SLC7A6: variants seen among roughly 807,000 people sequenced by gnomAD.
SLC7A6 encodes Y+L amino acid transporter 2.
A neutral mutation model predicts 46.6 loss-of-function variants in SLC7A6; 29 were observed. That is an observed-to-expected ratio of 0.62 (90% confidence interval 0.46 to 0.85). The LOEUF (loss-of-function observed/expected upper bound fraction) is 0.85. Among genes scored for constraint, SLC7A6 ranks in the 40% least tolerant of loss-of-function variants. The probability of loss-of-function intolerance (pLI) is 0.00; values close to 1 mark genes in which losing one functional copy is unlikely to be tolerated. For synonymous variants in SLC7A6, 276 were observed against 257.3 expected, an observed-to-expected ratio of 1.07 and a Z score of -0.70; for missense variants, 527 against 647.6, an observed-to-expected ratio of 0.81 and a Z score of 2.02.
In SLC7A6 at chr16:68,282,337, G is replaced by A. The variant is rs144119985; in HGVS notation, c.524-5409G>A. Among the ~76,000 whole-genome samples, 814 of 152,188 alleles carry A rather than the reference G, an allele frequency of 5.3e-3. 14 individuals carry two copies. The highest frequency in any genetic ancestry group is 0.018 in the African/African-American group (753 of 41,520). On this transcript the variant is annotated intron_variant, in intron 3 of 10. Transcript: ENST00000219343. ...TAATCTCAGCAGTTTGGGAGGCCAA[G>A]GCAGGAGGATCACTTGAGCCCAGGA...
intron 3 of SLC7A6, among the ~76,000 whole-genome samples, chr16:68,280,484 T>C (rs760178068): frequency 6.6e-6 from 1 of 152,066 alleles, no homozygotes; most frequent in Non-Finnish European, 1.5e-5. Flanking sequence ...CATTTGAAAA[T>C]CAGGACTTGC....
At chr16:68,276,462 T>C (rs1246528059) in intron 3 of SLC7A6, among the ~76,000 whole-genome samples, 3 of 152,196 alleles carry the variant, frequency 2.0e-5, no homozygotes, top group East Asian at 1.9e-4. Flanking sequence ...AAAAATAGCC[T>C]GAGAGTACCT....
At chr16:68,276,025 T>TA (rs1177576803) in intron 3 of SLC7A6, among the ~76,000 whole-genome samples, 1 of 152,234 alleles carries the variant, frequency 6.6e-6, no homozygotes, top group East Asian at 1.9e-4. Context: ...TAGGCTTCAC[T>TA]AGACTGTGGG....
At chr16:68,291,842 T>C (rs1183747943) in intron 7 of SLC7A6, 181 bp downstream of exon 7, 1 of 570,106 alleles carries the variant, frequency 1.8e-6, no homozygotes, top group Admixed American at 3.2e-5. Context: ...AAGTAGCACA[T>C]TTGTATGCTG....
rs201303478 is a variant in SLC7A6 at position 68,275,241 on chromosome 16, C to T, written c.515C>T (p.Ala172Val). ...CTGGCCTGCCGTCTCCTGGCTGCTG[C>T]TTGCATATGTAAGTGGGGGCTGAGA... Reference protein sequence around the residue: ...PYLACRLLAAACICLLTFVNC... With the variant: ...PYLACRLLAAVCICLLTFVNC... The change falls in exon 3 of 11, where the codon GCT (alanine) becomes GTT (valine). Residue 172 changes from alanine to valine, a missense_variant. Ala to Val is a moderately conservative substitution (Grantham distance 64). Transcript: ENST00000219343. The T allele has an allele frequency of 1.3e-4, 208 of 1,604,174 alleles. 2 individuals are homozygous for T. In the East Asian group the frequency reaches 4.4e-3, roughly 34 times the overall value.
At chr16:68,278,202 G>A (rs1455322422) in intron 3 of SLC7A6, among the ~76,000 whole-genome samples, 1 of 150,614 alleles carries the variant, frequency 6.6e-6, no homozygotes, top group Non-Finnish European at 1.5e-5. Flanking sequence ...TGATCCGCCT[G>A]CTTTGGCCTC....
intron 8 of SLC7A6, 25 bp downstream of exon 8, chr16:68,294,826 C>G (rs2151232621): frequency 6.6e-7 from 1 of 1,517,930 alleles, no homozygotes; most frequent in East Asian, 2.3e-5. Context: ...GACCACGGGG[C>G]TCAGGTGGAT....
Position 68,301,260 on chromosome 16 carries a change from G to A in SLC7A6, c.*3932G>A, listed in dbSNP as rs779482974. 1.6e-5 allele frequency: 26 copies of A among 1,612,948 alleles called. 1 individual carries two copies. In the South Asian group the frequency reaches 1.9e-4, roughly 12 times the overall value. On this transcript the variant is annotated 3_prime_UTR_variant, in exon 11 of 11. Coordinates refer to ENST00000219343, the MANE Select transcript of SLC7A6 (RefSeq NM_003983.6). Reference sequence around the variant, plus strand: ...CAAGGGCATGTGGCAGAACCTCATGGACATCACAAGACCATCAGTCTGAAT... The same window carrying A: ...CAAGGGCATGTGGCAGAACCTCATGAACATCACAAGACCATCAGTCTGAAT...
At chr16:68,285,387 T>C (rs972970109) in intron 3 of SLC7A6, among the ~76,000 whole-genome samples, 1 of 152,158 alleles carries the variant, frequency 6.6e-6, no homozygotes, top group Non-Finnish European at 1.5e-5. Context: ...CTGGTACCTA[T>C]TAACTAGGTA....
chr16:68,270,181 TTC>T (rs766291375), intron 2 of SLC7A6, among the ~76,000 whole-genome samples: 34 of 149,624 alleles, frequency 2.3e-4, no homozygotes, highest in Non-Finnish European at 4.7e-4. Flanking sequence ...GAGTAGGGAT[TTC>T]TCTGTTGTCT....
chr16:68,278,303 A>G (rs1038253441), intron 3 of SLC7A6, among the ~76,000 whole-genome samples: 9 of 145,130 alleles, frequency 6.2e-5, no homozygotes, highest in Non-Finnish European at 1.4e-4. Context: ...ATACTGCTTT[A>G]TAATTTTTTT....
intron 7 of SLC7A6, chr16:68,292,460 A>C (rs1376754983): frequency 6.6e-6 from 1 of 152,168 alleles, no homozygotes; most frequent in African/African-American, 2.4e-5. Context: ...CTCTCCACTT[A>C]GGAGAGACAC....
At chr16:68,291,698 T>C (rs753335652) in intron 7 of SLC7A6, 37 bp downstream of exon 7, 45 of 1,568,500 alleles carry the variant, frequency 2.9e-5, no homozygotes, top group Non-Finnish European at 3.9e-5. Context: ...TAGACCACAA[T>C]ATTTCATTCT....
chr16:68,287,322 G>C (rs1266805806), intron 3 of SLC7A6: 1 of 1,289,034 alleles, frequency 7.8e-7, no homozygotes, highest in African/African-American at 1.5e-5. Context: ...TAATTTCTTA[G>C]GTAACCTGCC....
intron 2 of SLC7A6, among the ~76,000 whole-genome samples, chr16:68,271,024 A>AT (rs777402841): frequency 2.6e-5 from 4 of 151,690 alleles, no homozygotes; most frequent in Non-Finnish European, 4.4e-5. Flanking sequence ...TAATTTTTGT[A>AT]TTTTTTGTAG....
chr16:68,291,763 G>GTGTGTGTGTT, intron 7 of SLC7A6, 102 bp downstream of exon 7: 1 of 295,620 alleles, frequency 3.4e-6, no homozygotes, highest in Non-Finnish European at 5.5e-6. Flanking sequence ...GGCATATAGG[G>GTGTGTGTGTT]TGTGTGTGTG....
At position 68,291,801 on chromosome 16, in the gene SLC7A6, T is replaced by TGTGTGTGTGTGTGTG. The variant is rs1555532343; in HGVS notation, c.1022+140_1022+141insGTGTGTGTGTGTGTG. 4.5e-4 allele frequency: 140 copies of TGTGTGTGTGTGTGTG among 310,488 alleles called. 1 individual carries two copies. Among genetic ancestry groups the TGTGTGTGTGTGTGTG allele is most frequent in the Non-Finnish European group, 6.4e-4 (117 of 182,844 alleles). 19.2% of individuals were successfully genotyped at this position (310,488 alleles called of 1,614,324 possible). On this transcript the variant is annotated intron_variant, in intron 7 of 10. Coordinates refer to ENST00000219343, the MANE Select transcript of SLC7A6 (RefSeq NM_003983.6). Reference sequence around the variant, plus strand: ...TGTGTGTGTGTGTGTGTGTGTGTGTTTGGTATGTGGGCATGTACTTGCCTT... The same window carrying TGTGTGTGTGTGTGTG: ...TGTGTGTGTGTGTGTGTGTGTGTGTTGTGTGTGTGTGTGTGTGGTATGTGGGCATGTACTTGCCTT...
chr16:68,270,738 G>A (rs1221320848), intron 2 of SLC7A6, among the ~76,000 whole-genome samples: 1 of 152,026 alleles, frequency 6.6e-6, no homozygotes, highest in Non-Finnish European at 1.5e-5. Flanking sequence ...CAATCTAGTT[G>A]GTTGCCCTGT....
At position 68,286,866 on chromosome 16, in the gene SLC7A6, G is replaced by C. The variant is rs2042946095; in HGVS notation, c.524-880G>C. Among the ~76,000 whole-genome samples the C allele has an allele frequency of 4.6e-5, 7 of 152,144 alleles. No individual in the cohort carries two copies. In the South Asian group the frequency reaches 1.4e-3, roughly 31 times the overall value. On this transcript the variant is annotated intron_variant, in intron 3 of 10. Coordinates refer to ENST00000219343, the MANE Select transcript of SLC7A6 (RefSeq NM_003983.6). ...AATGTGAACTTAGAAATGGTAGTTA[G>C]CTTCTCTCACCTCAGTTTCCTCATC... is the stretch of plus-strand genomic sequence containing the variant.
Sources: allele counts gnomAD v4.1 joint callset (sites outside exome capture counted in the v4.1 genomes callset), GRCh38; gene constraint gnomAD v4.1.1; transcripts MANE v1.5; gene names NCBI Gene and HGNC (gene_info 2026-07-23, HGNC 2026-07-21).